MROH1: variants seen among roughly 807,000 people sequenced by gnomAD.
The protein encoded by MROH1 is maestro heat like repeat family member 1.
Under a neutral mutation model 116.5 loss-of-function variants are expected in MROH1, and 117 were observed. The observed-to-expected ratio is 1.00, with a 90% CI of 0.86 to 1.17. The LOEUF is 1.17. Ranked by LOEUF, MROH1 falls within the 50% of genes most tolerant of loss-of-function variation. The probability of loss-of-function intolerance (pLI) is 0.00; values close to 1 mark genes in which losing one functional copy is unlikely to be tolerated. For missense variants in MROH1, 1,873 were observed against 1,338.5 expected (o/e 1.40, Z -6.23); for synonymous variants, 921 against 583.9 (o/e 1.58, Z -8.32).
chr8:144,198,838 C>G (rs1371965221), intron 10 of MROH1, among the ~76,000 whole-genome samples: 1 of 152,090 alleles, frequency 6.6e-6, no homozygotes, highest in Non-Finnish European at 1.5e-5. Context: ...TCCCTGGAGA[C>G]TTGACAGTAG....
chr8:144,198,155 C>A (rs1830367841), intron 10 of MROH1, among the ~76,000 whole-genome samples: 1 of 152,078 alleles, frequency 6.6e-6, no homozygotes, highest in South Asian at 2.1e-4. Context: ...TCTGACAGTT[C>A]TCTAGGAACC....
At chr8:144,149,635 G>T (rs1816250640) in intron 1 of MROH1, among the ~76,000 whole-genome samples, 1 of 152,176 alleles carries the variant, frequency 6.6e-6, no homozygotes, top group South Asian at 2.1e-4. Context: ...TTGGGGTAGA[G>T]ATCCTCTGTC....
chr8:144,212,126 C>T (rs1026095294), intron 12 of MROH1, among the ~76,000 whole-genome samples: 5 of 151,496 alleles, frequency 3.3e-5, no homozygotes, highest in African/African-American at 1.2e-4. Context: ...CTCTGTCGCC[C>T]AGGGTGGAGT....
intron 14 of MROH1, among the ~76,000 whole-genome samples, chr8:144,235,785 C>A (rs2132758127): frequency 6.6e-6 from 1 of 152,254 alleles, no homozygotes; most frequent in South Asian, 2.1e-4. Flanking sequence ...ATGGTATATG[C>A]TTTTCTTATG....
At chr8:144,233,158 A>G (rs781930916) in intron 14 of MROH1, among the ~76,000 whole-genome samples, 7 of 151,982 alleles carry the variant, frequency 4.6e-5, no homozygotes, top group African/African-American at 7.3e-5. Context: ...AAACATTTTT[A>G]TGATGGTAAA....
At chr8:144,222,960 G>A (rs543112360) in intron 13 of MROH1, 148 bp from the exon 14 acceptor site, 23 of 1,128,348 alleles carry the variant, frequency 2.0e-5, no homozygotes, top group Admixed American at 1.6e-4. Flanking sequence ...GCCCAGGTAT[G>A]GGTGCAGGTA....
intron 14 of MROH1, among the ~76,000 whole-genome samples, chr8:144,227,005 A>G (rs1048222616): frequency 6.6e-6 from 1 of 152,186 alleles, no homozygotes; most frequent in Non-Finnish European, 1.5e-5. Flanking sequence ...TAGATTTGTA[A>G]AAGCTATTTT....
At chr8:144,236,534 A>T (rs1417771946) in intron 14 of MROH1, among the ~76,000 whole-genome samples, 2 of 152,044 alleles carry the variant, frequency 1.3e-5, no homozygotes, top group African/African-American at 4.8e-5. Flanking sequence ...TGAAGTCGGG[A>T]GTTCAAGACC....
intron 4 of MROH1, chr8:144,174,863 A>T (rs1012698180): frequency 1.0e-6 from 1 of 985,282 alleles, no homozygotes; most frequent in African/African-American, 1.7e-5. Context: ...CCCATTGCAG[A>T]CTTGCTGAGT....
intron 12 of MROH1, among the ~76,000 whole-genome samples, chr8:144,218,733 T>C (rs1187940798): frequency 2.5e-4 from 4 of 16,066 alleles, no homozygotes; most frequent in Non-Finnish European, 5.0e-4. Flanking sequence ...CCTCCCCTCT[T>C]CCCTCCCCTC....
chr8:144,168,419 G>A lies in MROH1; in HGVS notation c.147G>A (p.Glu49=). 6.2e-7 allele frequency: 1 copy of A among 1,610,158 alleles called. No homozygotes were observed. ...RPVETLRACE[E]YLRQHDKLAH... is the part of the protein sequence containing the mutation. The stretch of plus-strand genomic sequence containing the variant: ...TGGAGACGCTCCGTGCCTGCGAGGA[G>A]TATCTGCGGCAGCATGACAAGGTAT... Residue 49 remains glutamate, a synonymous_variant, in exon 4 of 44, where the codon GAG becomes GAA. Transcript: ENST00000326134.
chr8:144,251,495 A>C (rs961941512), intron 33 of MROH1: 53 of 152,270 alleles, frequency 3.5e-4, no homozygotes, highest in African/African-American at 1.2e-3. Context: ...GTAATCCTGC[A>C]GTCTGTTGCT....
Position 144,219,264 on chromosome 8 carries a change from C to T in MROH1, c.1142-1336C>T, listed in dbSNP as rs530544667. Among the ~76,000 whole-genome samples, 8 of 152,150 alleles carry T rather than the reference C, an allele frequency of 5.3e-5. No individual in the cohort carries two copies. In the South Asian group the frequency reaches 6.2e-4, roughly 12 times the overall value. On this transcript the variant is annotated intron_variant, in intron 12 of 43. Coordinates refer to ENST00000326134, the MANE Select transcript of MROH1 (RefSeq NM_032450.3). ...GTCTCGATCTCCTGACCTCGTGATC[C>T]GCCCGTCTCGGCCTCCCAGAGTGCT...
Position 144,248,867 on chromosome 8 carries a change from T to C in MROH1, c.3121-10T>C. 1 of 778,468 alleles carries C rather than the reference T, an allele frequency of 1.3e-6. No individual in the cohort carries two copies. The highest frequency in any genetic ancestry group is 2.4e-6 in the Non-Finnish European group (1 of 417,002). The allele number at this position is 778,468 out of a possible 1,614,324, so 48.2% of individuals were successfully genotyped here. On this transcript the variant is annotated splice_polypyrimidine_tract_variant and intron_variant, in intron 31 of 43. Coordinates refer to ENST00000326134, the MANE Select transcript of MROH1 (RefSeq NM_032450.3). The stretch of plus-strand genomic sequence containing the variant: ...CCTTCCCTCAACCTCTGGCATCGCC[T>C]TCCTCCTAGATTATTGCCAAGCGCC...
chr8:144,248,084 G>T (rs1002045374), intron 31 of MROH1, among the ~76,000 whole-genome samples: 14 of 152,174 alleles, frequency 9.2e-5, no homozygotes, highest in Admixed American at 5.9e-4. Flanking sequence ...AGAGCCACGT[G>T]GGGGGCTAGG....
chr8:144,161,576 G>T (rs994115196), intron 2 of MROH1, among the ~76,000 whole-genome samples: 1 of 152,194 alleles, frequency 6.6e-6, no homozygotes, highest in Non-Finnish European at 1.5e-5. Flanking sequence ...CTCTCAGGCC[G>T]CACAGTCCTT....
chr8:144,212,708 G>C (rs1041492218), intron 12 of MROH1, among the ~76,000 whole-genome samples: 2 of 146,632 alleles, frequency 1.4e-5, no homozygotes, highest in African/African-American at 5.1e-5. Flanking sequence ...TCATGCCCCA[G>C]CCTCCCTACT....
chr8:144,215,314 A>G (rs1834995475), intron 12 of MROH1, among the ~76,000 whole-genome samples: 1 of 152,234 alleles, frequency 6.6e-6, no homozygotes. Context: ...GATGAAGATG[A>G]CCTTAACACT....
At chr8:144,223,379 A>G in intron 14 of MROH1, 149 bp downstream of exon 14, 1 of 1,079,452 alleles carries the variant, frequency 9.3e-7, no homozygotes, top group Non-Finnish European at 1.3e-6. Context: ...CTTTTGTTTA[A>G]TAGAGACAGG....
Sources: gnomAD v4.1 joint callset for allele counts (sites outside exome capture counted in the v4.1 genomes callset) on GRCh38, gnomAD v4.1.1 for gene constraint, MANE v1.5 for transcripts, NCBI Gene and HGNC (gene_info 2026-07-23, HGNC 2026-07-21) for gene names.